CD96: variants seen among roughly 807,000 people sequenced by gnomAD.
CD96 encodes T-cell surface protein tactile.
CD96 carries 70 observed loss-of-function variants against 71.3 expected under a neutral mutation model. The ratio of observed to expected loss-of-function variants is 0.98; its 90% confidence interval spans 0.81 to 1.20. The LOEUF (loss-of-function observed/expected upper bound fraction) is 1.20. CD96 is among the 50% of genes most tolerant of loss of function. The probability of loss-of-function intolerance (pLI) is 0.00; values close to 1 mark genes in which losing one functional copy is unlikely to be tolerated. For missense variants in CD96, 742 were observed against 677.5 expected, an observed-to-expected ratio of 1.10 and a Z score of -1.06; for synonymous variants, 248 against 233.0, an observed-to-expected ratio of 1.06 and a Z score of -0.59.
At chr3:111,585,478 T>C (rs1482950532) in intron 5 of CD96, 100 bp downstream of exon 5, 3 of 786,274 alleles carry the variant, frequency 3.8e-6, no homozygotes, top group East Asian at 2.6e-5. Flanking sequence ...CTTTACTCCT[T>C]GGCCCTTGAC....
intron 4 of CD96, among the ~76,000 whole-genome samples, chr3:111,583,965 C>A (rs1356131943): frequency 1.3e-5 from 2 of 152,324 alleles, no homozygotes; most frequent in South Asian, 4.1e-4. Flanking sequence ...TGAATTTCTC[C>A]CTAGAAAATG....
At chr3:111,622,226 A>G (rs1437068213) in intron 8 of CD96, among the ~76,000 whole-genome samples, 1 of 152,216 alleles carries the variant, frequency 6.6e-6, no homozygotes, top group African/African-American at 2.4e-5. Context: ...CCTTAGATCA[A>G]CTTTCTTCCA....
At chr3:111,594,185 T>A (rs1332790460) in intron 5 of CD96, 1 of 1,594,390 alleles carries the variant, frequency 6.3e-7, no homozygotes, top group African/African-American at 1.3e-5. Flanking sequence ...CTCTTCCTCG[T>A]CTTCCCGCCT....
chr3:111,616,710 C>G (rs540314329), intron 8 of CD96, among the ~76,000 whole-genome samples: 1 of 152,186 alleles, frequency 6.6e-6, no homozygotes, highest in South Asian at 2.1e-4. Flanking sequence ...AGCAGCTGCC[C>G]GACTGGACTA....
intron 2 of CD96, among the ~76,000 whole-genome samples, chr3:111,564,353 A>AAATT (rs1935602989): frequency 6.6e-6 from 1 of 151,242 alleles, no homozygotes; most frequent in Non-Finnish European, 1.5e-5. Flanking sequence ...ATATTGCTTT[A>AAATT]TTTATTTCAA....
At chr3:111,623,148 A>G (rs914855986) in intron 8 of CD96, among the ~76,000 whole-genome samples, 1 of 152,212 alleles carries the variant, frequency 6.6e-6, no homozygotes, top group Non-Finnish European at 1.5e-5. Context: ...CCTGATTTCA[A>G]TGGACTGTTG....
chr3:111,582,240 G>C (rs945684645), intron 4 of CD96, among the ~76,000 whole-genome samples: 2 of 152,168 alleles, frequency 1.3e-5, no homozygotes. Context: ...GCTAGTGGCT[G>C]TAGCAGGCAC....
chr3:111,572,639 C>A (rs112763864), intron 3 of CD96, among the ~76,000 whole-genome samples: 7 of 152,308 alleles, frequency 4.6e-5, no homozygotes, highest in Admixed American at 1.3e-4. Flanking sequence ...ACTTCCTATA[C>A]TGAACTCTGG....
At chr3:111,551,063 A>G (rs1003334697) in intron 2 of CD96, among the ~76,000 whole-genome samples, 1 of 152,200 alleles carries the variant, frequency 6.6e-6, no homozygotes, top group Non-Finnish European at 1.5e-5. Context: ...AGATGCAAAG[A>G]AAAAATAAAG....
chr3:111,654,668 A>G (rs1940186614), downstream of CD96, among the ~76,000 whole-genome samples: 1 of 152,128 alleles, frequency 6.6e-6, no homozygotes, highest in Non-Finnish European at 1.5e-5. Flanking sequence ...AGAGCAACAA[A>G]CCCAATATCA....
chr3:111,568,647 T>C (rs1227477426), intron 3 of CD96, among the ~76,000 whole-genome samples: 1 of 152,252 alleles, frequency 6.6e-6, no homozygotes, highest in Non-Finnish European at 1.5e-5. Context: ...TTATCCTTAG[T>C]CTACATTGTT....
intron 7 of CD96, among the ~76,000 whole-genome samples, chr3:111,602,256 G>A (rs377225892): frequency 6.6e-6 from 1 of 152,122 alleles, no homozygotes; most frequent in East Asian, 1.9e-4. Context: ...CCCATTATAG[G>A]TAGAACCATG....
chr3:111,571,097 G>T, intron 3 of CD96: 1 of 778,992 alleles, frequency 1.3e-6, no homozygotes, highest in Non-Finnish European at 2.3e-6. Flanking sequence ...TAAGACCCGG[G>T]CATCCCTCTG....
chr3:111,582,091 T>C (rs1936492691), intron 4 of CD96, among the ~76,000 whole-genome samples: 1 of 152,216 alleles, frequency 6.6e-6, no homozygotes, highest in South Asian at 2.1e-4. Flanking sequence ...TGTATCACTA[T>C]TAACTCTCTG....
At chr3:111,620,006 A>G (rs1043358879) in intron 8 of CD96, among the ~76,000 whole-genome samples, 1 of 152,228 alleles carries the variant, frequency 6.6e-6, no homozygotes, top group East Asian at 1.9e-4. Flanking sequence ...GGCTTGTAAA[A>G]GCCCAGCCCT....
intron 7 of CD96, among the ~76,000 whole-genome samples, chr3:111,604,472 G>A (rs13099798): frequency 6.6e-6 from 1 of 152,148 alleles, no homozygotes; most frequent in Non-Finnish European, 1.5e-5. Context: ...CCACTTTACA[G>A]TCTAATCTAA....
chr3:111,617,477 CAGAA>C (rs1193707211), intron 8 of CD96, among the ~76,000 whole-genome samples: 2 of 152,202 alleles, frequency 1.3e-5, no homozygotes, highest in African/African-American at 2.4e-5. Flanking sequence ...CAGCCAGACT[CAGAA>C]AGAAGTCAAG....
intron 3 of CD96, chr3:111,577,645 T>A (rs754151655): frequency 1.2e-5 from 10 of 855,734 alleles, no homozygotes; most frequent in Non-Finnish European, 2.0e-5. Context: ...ACACAAATCC[T>A]AGCCAGATTC....
chr3:111,646,472 G>A (rs1939831175), intron 12 of CD96, among the ~76,000 whole-genome samples: 1 of 151,140 alleles, frequency 6.6e-6, no homozygotes, highest in Admixed American at 6.6e-5. Flanking sequence ...CTAATCACTA[G>A]AGAAATGCAA....
Sources: allele counts gnomAD v4.1 joint callset (sites outside exome capture counted in the v4.1 genomes callset), GRCh38; gene constraint gnomAD v4.1.1; transcripts MANE v1.5; gene names NCBI Gene and HGNC (gene_info 2026-07-23, HGNC 2026-07-21).